The following NR4A1 variants were observed in gnomAD, a reference collection of about 807,000 sequenced individuals.
The protein encoded by NR4A1 is nuclear receptor subfamily 4 group A member 1, also known as nuclear receptor subfamily 4immunitygroup A member 1.
A neutral mutation model predicts 47.5 loss-of-function variants in NR4A1; 24 were observed. That is an observed-to-expected ratio of 0.50 (90% CI 0.37 to 0.71). NR4A1 has a LOEUF of 0.71. NR4A1 is among the 30% of genes least tolerant of loss of function. The pLI is 0.00. For synonymous variants in NR4A1, 353 were observed against 345.7 expected (o/e 1.02, Z -0.24); for missense variants, 669 against 788.6 (o/e 0.85, Z 1.82).
chr12:52,051,420 G>C (rs1938932245), upstream of NR4A1: 4 of 985,566 alleles, frequency 4.1e-6, no homozygotes, highest in South Asian at 1.4e-4. Flanking sequence ...GCGCTTAAGA[G>C]GAGGGTCGGG....
chr12:52,030,359 C>G (rs1938094488), intron 1 of NR4A1, among the ~76,000 whole-genome samples: 1 of 152,224 alleles, frequency 6.6e-6, no homozygotes, highest in African/African-American at 2.4e-5. Flanking sequence ...GGTCTGGATG[C>G]AAATCCATGC....
chr12:52,038,757 G>A (rs1397908197), intron 1 of NR4A1: 6 of 764,576 alleles, frequency 7.8e-6, no homozygotes, highest in South Asian at 1.3e-5. Flanking sequence ...AAGGTAACTG[G>A]GCAGAAGGAT....
intron 1 of NR4A1, among the ~76,000 whole-genome samples, chr12:52,028,496 C>T (rs978582534): frequency 1.3e-5 from 2 of 151,860 alleles, no homozygotes; most frequent in African/African-American, 4.8e-5. Flanking sequence ...CTTGCTTGAA[C>T]CCAGGAGGCG....
intron 2 of NR4A1, 121 bp from the exon 3 acceptor site, chr12:52,055,909 G>T: frequency 6.6e-6 from 3 of 454,890 alleles, no homozygotes; most frequent in Non-Finnish European, 7.5e-6. Flanking sequence ...TAGAAAAATA[G>T]CTGTGAACAG....
chr12:52,037,801 A>T (rs986498517), intron 1 of NR4A1: 12 of 985,398 alleles, frequency 1.2e-5, no homozygotes, highest in Non-Finnish European at 1.4e-5. Flanking sequence ...ATGCTGCGTG[A>T]TGCAACCCCT....
At position 52,057,332 on chromosome 12, in the gene NR4A1, C is replaced by T. The variant is rs201172415; in HGVS notation, c.1362-20C>T. On this transcript the variant is annotated intron_variant, in intron 5 of 6. Transcript: ENST00000394825. ...CCTGTGAACCACCCTGATCGCTCTT[C>T]GTGCCCATCTGCCTGCCAGGTCTAA... is the stretch of plus-strand genomic sequence containing the variant. 21 of 1,614,122 alleles carry T rather than the reference C, an allele frequency of 1.3e-5. No homozygotes were observed. The highest frequency in any genetic ancestry group is 1.7e-4 in the Middle Eastern group (1 of 6,060).
chr12:52,057,252 G>C lies in NR4A1; in HGVS notation c.1354G>C (p.Ala452Pro). ...AFLELFILRL[A>P]YRSKPGEGKL... Reference sequence around the variant, plus strand: ...CCTGGAGCTCTTCATCCTCCGCCTGGCGTACAGGTGAGAGCCACTGACTGT... The same window carrying C: ...CCTGGAGCTCTTCATCCTCCGCCTGCCGTACAGGTGAGAGCCACTGACTGT... The change falls in exon 5 of 7, where the codon GCG (alanine) becomes CCG (proline). Residue 452 changes from alanine (A) to proline (P), a missense_variant. By Grantham distance (27) the Ala-to-Pro change is conservative. Coordinates refer to ENST00000394825, the MANE Select transcript of NR4A1 (RefSeq NM_173157.3). 1 of 1,613,644 alleles carries C rather than the reference G, an allele frequency of 6.2e-7. No individual in the cohort carries two copies. Among genetic ancestry groups the C allele is most frequent in the South Asian group, 1.1e-5 (1 of 90,998 alleles).
At chr12:52,040,290 G>A (rs1938385280) in intron 1 of NR4A1, among the ~76,000 whole-genome samples, 1 of 152,204 alleles carries the variant, frequency 6.6e-6, no homozygotes, top group Non-Finnish European at 1.5e-5. Flanking sequence ...TCATTTGTGG[G>A]CACCACCTGG....
At chr12:52,055,336 G>T (rs930057506) in intron 2 of NR4A1, 132 bp downstream of exon 2, 3 of 1,212,194 alleles carry the variant, frequency 2.5e-6, no homozygotes, top group African/African-American at 3.0e-5. Context: ...GATCAGCCCT[G>T]CCAGGTGGGC....
At chr12:52,025,900 C>T (rs1286772804) in intron 1 of NR4A1, among the ~76,000 whole-genome samples, 2 of 152,220 alleles carry the variant, frequency 1.3e-5, no homozygotes, top group East Asian at 1.9e-4. Context: ...ATTTAAAAAG[C>T]CCACAGGCCT....
chr12:52,045,410 C>A, intron 2 of NR4A1: 1 of 369,286 alleles, frequency 2.7e-6, no homozygotes, highest in Non-Finnish European at 5.6e-6. Context: ...AACCCATCCC[C>A]CTGTAGCACT....
Position 52,057,482 on chromosome 12 carries a change from G to A in NR4A1, c.1492G>A (p.Val498Ile), listed in dbSNP as rs1180848354. 20 of 1,614,184 alleles carry A rather than the reference G, an allele frequency of 1.2e-5. No homozygotes were observed. Among genetic ancestry groups the A allele is most frequent in the Non-Finnish European group, 1.7e-5 (20 of 1,180,026 alleles). ...AFSRSLHSLL[V>I]DVPAFACLSA... is the part of the protein sequence containing the mutation. Reference sequence around the variant, plus strand: ...CTCAAGGTCCCTGCACAGCTTGCTTGTCGATGTCCCTGCCTTCGCCTGCCT... The same window carrying A: ...CTCAAGGTCCCTGCACAGCTTGCTTATCGATGTCCCTGCCTTCGCCTGCCT... The change falls in exon 6 of 7, where the codon GTC (valine) becomes ATC (isoleucine). Residue 498 changes from valine (V) to isoleucine (I), a missense_variant. Physicochemically the swap from Val to Ile is conservative, Grantham distance 29. Transcript: ENST00000394825.
chr12:52,058,864 A>G lies in NR4A1; in HGVS notation c.1717A>G (p.Ile573Val), dbSNP rs761784699. The change falls in exon 7 of 7, where the codon ATC (isoleucine) becomes GTC (valine). Residue 573 changes from isoleucine to valine, a missense_variant. Transcript: ENST00000394825. ...CCTGTGCACCCAGGGCCTGCAGCGC[A>G]TCTTCTACCTCAAGCTGGAGGACTT... The part of the protein sequence containing the change: ...RTLCTQGLQR[I>V]FYLKLEDLVP... The G allele has an allele frequency of 6.8e-6, 11 of 1,614,008 alleles. No individual in the cohort carries two copies. In the African/African-American group the frequency reaches 1.5e-4, roughly 22 times the overall value.
upstream of NR4A1, among the ~76,000 whole-genome samples, chr12:52,048,559 A>C (rs1035830149): frequency 8.5e-5 from 13 of 152,170 alleles, no homozygotes; most frequent in South Asian, 2.1e-4. Context: ...GTGCCACTGC[A>C]CTCCAGCCTG....
At chr12:52,053,280 G>A (rs1939076283) in intron 1 of NR4A1, 1 of 152,128 alleles carries the variant, frequency 6.6e-6, no homozygotes, top group South Asian at 2.1e-4. Context: ...CGGGACTGGG[G>A]CTGTGTAACC....
At chr12:52,045,638 C>A (rs1938604764) in intron 2 of NR4A1, 1 of 391,840 alleles carries the variant, frequency 2.6e-6, no homozygotes, top group Admixed American at 2.8e-5. Context: ...AAGGGACTGG[C>A]CTCAGGTCAC....
At chr12:52,031,501 G>A (rs961972694) in intron 1 of NR4A1, among the ~76,000 whole-genome samples, 1 of 151,726 alleles carries the variant, frequency 6.6e-6, no homozygotes, top group Non-Finnish European at 1.5e-5. Flanking sequence ...GCCAGGTTTG[G>A]TGGCATGCGC....
At position 52,059,277 on chromosome 12, in the gene NR4A1, G is replaced by C. The variant is rs1434572716; in HGVS notation, c.*333G>C. 4.2e-6 allele frequency: 1 copy of C among 239,122 alleles called. No individual in the cohort carries two copies. Among genetic ancestry groups the C allele is most frequent in the Non-Finnish European group, 8.0e-6 (1 of 125,110 alleles). 14.8% of individuals were successfully genotyped at this position (239,122 alleles called of 1,614,324 possible). On this transcript the variant is annotated 3_prime_UTR_variant, in exon 7 of 7. Coordinates refer to ENST00000394825, the MANE Select transcript of NR4A1 (RefSeq NM_173157.3). Reference sequence around the variant, plus strand: ...GAAGAAAGAGCTTGAGGTGGGAGCGGGGCTGGGAGGAAGGGATGGGCCCCG... The same window carrying C: ...GAAGAAAGAGCTTGAGGTGGGAGCGCGGCTGGGAGGAAGGGATGGGCCCCG...
Position 52,051,529 on chromosome 12 carries a change from C to G in NR4A1, c.-42C>G, listed in dbSNP as rs1180767765. 1 of 985,768 alleles carries G rather than the reference C, an allele frequency of 1.0e-6. No individual in the cohort carries two copies. The highest frequency in any genetic ancestry group is 1.2e-6 in the Non-Finnish European group (1 of 830,282). The allele number at this position is 985,768 out of a possible 1,614,324, so 61.1% of individuals were successfully genotyped here. On this transcript the variant is annotated 5_prime_UTR_variant, in exon 1 of 7. Coordinates refer to ENST00000394825, the MANE Select transcript of NR4A1 (RefSeq NM_173157.3). ...CGGGACCAGGGACCAGGCTGAGACTCGGGGCGCCAGTCCGGGCAGGGGCAG... is the reference window on the plus strand; with the variant it reads ...CGGGACCAGGGACCAGGCTGAGACTGGGGGCGCCAGTCCGGGCAGGGGCAG...
Sources: allele counts gnomAD v4.1 joint callset (sites outside exome capture counted in the v4.1 genomes callset), GRCh38; gene constraint gnomAD v4.1.1; transcripts MANE v1.5; gene names NCBI Gene and HGNC (gene_info 2026-07-23, HGNC 2026-07-21).